The following PTPRD variants were observed in gnomAD, a reference collection of about 807,000 sequenced individuals.
PTPRD encodes the protein receptor-type tyrosine-protein phosphatase delta.
PTPRD carries 34 observed loss-of-function variants against 214.5 expected under a neutral mutation model. The observed-to-expected ratio is 0.16, with a 90% confidence interval of 0.12 to 0.21. The LOEUF is 0.21. PTPRD is among the 10% of genes least tolerant of loss of function. PTPRD has a pLI of 1.00. For synonymous variants in PTPRD, 1,128 were observed against 845.7 expected (o/e 1.33, Z -5.79); for missense variants, 2,545 against 2,398.7 (o/e 1.06, Z -1.27).
At chr9:9,890,273 C>G (rs977296000) in intron 5 of PTPRD, among the ~76,000 whole-genome samples, 4 of 151,966 alleles carry the variant, frequency 2.6e-5, no homozygotes, top group Non-Finnish European at 5.9e-5. Flanking sequence ...TCCTGGCTCA[C>G]TGTAGCCTCC....
chr9:8,854,776 C>CT (rs1201678809), intron 11 of PTPRD, among the ~76,000 whole-genome samples: 1 of 152,192 alleles, frequency 6.6e-6, no homozygotes, highest in Admixed American at 6.5e-5. Flanking sequence ...TACAAAGCTA[C>CT]TTTAATCACA....
chr9:9,511,031 C>A (rs570788381), intron 8 of PTPRD, among the ~76,000 whole-genome samples: 1 of 151,748 alleles, frequency 6.6e-6, no homozygotes, highest in African/African-American at 2.4e-5. Flanking sequence ...AAAATATCCA[C>A]TCCAAACAAA....
chr9:8,327,201 T>C (rs1321511666), intron 44 of PTPRD, among the ~76,000 whole-genome samples: 4 of 151,790 alleles, frequency 2.6e-5, no homozygotes, highest in Non-Finnish European at 4.4e-5. Flanking sequence ...CTGCTTTAAA[T>C]GTGTCCCAGA....
At chr9:10,595,565 C>A (rs1009008641) in intron 2 of PTPRD, among the ~76,000 whole-genome samples, 1 of 151,504 alleles carries the variant, frequency 6.6e-6, no homozygotes, top group Non-Finnish European at 1.5e-5. Flanking sequence ...TACACAGATA[C>A]AGAGTCACAC....
At chr9:10,057,213 C>T (rs1202164037) in intron 3 of PTPRD, among the ~76,000 whole-genome samples, 1 of 152,112 alleles carries the variant, frequency 6.6e-6, no homozygotes, top group Middle Eastern at 3.2e-3. Context: ...AAAGAATCTG[C>T]ACATTTGCAT....
chr9:9,133,664 G>C (rs2099846286), intron 10 of PTPRD, among the ~76,000 whole-genome samples: 1 of 152,178 alleles, frequency 6.6e-6, no homozygotes, highest in Non-Finnish European at 1.5e-5. Context: ...ACTGGAATAT[G>C]AAAGAAGCAT....
intron 4 of PTPRD, among the ~76,000 whole-genome samples, chr9:9,954,956 T>C (rs541685275): frequency 1.6e-4 from 25 of 152,298 alleles, no homozygotes; most frequent in Non-Finnish European, 2.9e-4. Flanking sequence ...AAGATAAAGA[T>C]ACCATTTCAG....
At chr9:8,487,916 C>A (rs895919508) in intron 27 of PTPRD, among the ~76,000 whole-genome samples, 1 of 151,030 alleles carries the variant, frequency 6.6e-6, no homozygotes, top group African/African-American at 2.4e-5. Context: ...GTAGTCTTAG[C>A]CACTCAGGGG....
chr9:9,658,285 G>A (rs77819089), intron 7 of PTPRD, among the ~76,000 whole-genome samples: 1 of 152,090 alleles, frequency 6.6e-6, no homozygotes, highest in Non-Finnish European at 1.5e-5. Context: ...TGTTTTTGGT[G>A]AAAATTTAAA....
rs1320739568 is a variant in PTPRD, at chr9:8,526,754, A to G, written c.551-110T>C. On this transcript the variant is annotated intron_variant, in intron 16 of 45. Coordinates refer to ENST00000381196, the MANE Select transcript of PTPRD (RefSeq NM_002839.4). ...TTAAATTAGATTTACAGAATTAAAT[A>G]AGGTCTTAAAAGAAACTTGAATTAC... 3 of 789,784 alleles carry G rather than the reference A, an allele frequency of 3.8e-6. No individual in the cohort carries two copies. The East Asian group carries it at 8.2e-5, about 22-fold the overall frequency. The allele number at this position is 789,784 out of a possible 1,614,324, so 48.9% of individuals were successfully genotyped here. A position where few individuals can be genotyped will look rare whatever the true frequency, so the allele number is the denominator to read the frequency against.
intron 3 of PTPRD, among the ~76,000 whole-genome samples, chr9:10,176,310 G>A (rs1328026005): frequency 5.3e-5 from 8 of 150,650 alleles, no homozygotes; most frequent in Non-Finnish European, 7.4e-5. Context: ...TTTGGTAGAC[G>A]TCTAAATCAT....
At chr9:10,321,364 G>A (rs933448808) in intron 3 of PTPRD, among the ~76,000 whole-genome samples, 1 of 151,928 alleles carries the variant, frequency 6.6e-6, no homozygotes, top group Non-Finnish European at 1.5e-5. Flanking sequence ...TCAAATGAAG[G>A]GTTGAGGAAA....
intron 3 of PTPRD, among the ~76,000 whole-genome samples, chr9:10,262,752 G>C (rs977767621): frequency 1.3e-5 from 2 of 152,142 alleles, no homozygotes; most frequent in African/African-American, 4.8e-5. Context: ...TTCACAGTGA[G>C]AGTCCACAGT....
chr9:8,594,272 C>G (rs1227887296), intron 14 of PTPRD, among the ~76,000 whole-genome samples: 2 of 152,036 alleles, frequency 1.3e-5, no homozygotes, highest in Non-Finnish European at 2.9e-5. Context: ...AAAATCAAAC[C>G]AAATAAACAT....
intron 2 of PTPRD, among the ~76,000 whole-genome samples, chr9:10,604,611 C>T (rs2078846540): frequency 6.6e-6 from 1 of 151,820 alleles, no homozygotes; most frequent in Admixed American, 6.6e-5. Flanking sequence ...CTAAGCTATT[C>T]TTTCAGAGCT....
At position 9,585,238 on chromosome 9, in the gene PTPRD, C is replaced by T. The variant is rs181929478; in HGVS notation, c.-286-10457G>A. Among the ~76,000 whole-genome samples the T allele has an allele frequency of 1.8e-3, 267 of 152,126 alleles. 3 individuals are homozygous for T. Among genetic ancestry groups the T allele is most frequent in the Non-Finnish European group, 5.6e-4 (38 of 67,974 alleles). Reference sequence around the variant, plus strand: ...GTTTATCTCAGTAGCAGACATAATGCCTAGGGGCAAAGCTGTGCTCAGGGA... The same window carrying T: ...GTTTATCTCAGTAGCAGACATAATGTCTAGGGGCAAAGCTGTGCTCAGGGA... On this transcript the variant is annotated intron_variant, in intron 7 of 45. Coordinates refer to ENST00000381196, the MANE Select transcript of PTPRD (RefSeq NM_002839.4).
At chr9:8,540,391 C>G (rs1012123457) in intron 14 of PTPRD, among the ~76,000 whole-genome samples, 26 of 152,054 alleles carry the variant, frequency 1.7e-4, no homozygotes, top group African/African-American at 6.3e-4. Flanking sequence ...AAAGTTAACT[C>G]TAAAAATACA....
chr9:9,973,437 C>G (rs931207029), intron 4 of PTPRD, among the ~76,000 whole-genome samples: 2 of 151,872 alleles, frequency 1.3e-5, no homozygotes, highest in African/African-American at 4.8e-5. Context: ...ATGCCATTGC[C>G]TTGCACCCTG....
At chr9:9,262,287 G>A (rs570840427) in intron 9 of PTPRD, among the ~76,000 whole-genome samples, 1 of 150,222 alleles carries the variant, frequency 6.7e-6, no homozygotes, top group South Asian at 2.1e-4. Flanking sequence ...AATGACAGGG[G>A]CAATGAATTT....
Sources: allele counts gnomAD v4.1 joint callset (sites outside exome capture counted in the v4.1 genomes callset), GRCh38; gene constraint gnomAD v4.1.1; transcripts MANE v1.5; gene names NCBI Gene and HGNC (gene_info 2026-07-23, HGNC 2026-07-21).